The following ARFGEF3 variants were observed in gnomAD, a reference collection of about 807,000 sequenced individuals.
ARFGEF3 encodes brefeldin A-inhibited guanine nucleotide-exchange protein 3.
ARFGEF3 carries 96 observed loss-of-function variants against 221.7 expected under a neutral mutation model. The ratio of observed to expected loss-of-function variants is 0.43; its 90% CI spans 0.37 to 0.51. The LOEUF is 0.51. Ranked by LOEUF, ARFGEF3 falls within the 20% of genes least tolerant of loss-of-function variation. ARFGEF3 has a pLI of 0.00. For synonymous variants in ARFGEF3, 1,145 were observed against 1,126.8 expected (o/e 1.02, Z -0.32); for missense variants, 2,410 against 2,789.9 (o/e 0.86, Z 3.07).
Position 138,291,278 on chromosome 6 carries a change from C to T in ARFGEF3, c.3048-455C>T, listed in dbSNP as rs1015730521. 2.6e-5 allele frequency among the ~76,000 whole-genome samples: 4 copies of T among 152,170 alleles called. No homozygotes were observed. The highest frequency in any genetic ancestry group is 7.2e-5 in the African/African-American group (3 of 41,416). Reference sequence around the variant, plus strand: ...CGTGGCTGGGCAGAACCCACTGTGGCTAGTTGGCCTCTCCGTCATAGGTAT... The same window carrying T: ...CGTGGCTGGGCAGAACCCACTGTGGTTAGTTGGCCTCTCCGTCATAGGTAT... On this transcript the variant is annotated intron_variant, in intron 18 of 33. Coordinates refer to ENST00000251691, the MANE Select transcript of ARFGEF3 (RefSeq NM_020340.5). This position sits in a 1 kb window ranked among gnomAD's most constrained non-coding sequence, Gnocchi z 4.5.
At chr6:138,229,290 T>C (rs746641977) in intron 4 of ARFGEF3, among the ~76,000 whole-genome samples, 32 of 152,258 alleles carry the variant, frequency 2.1e-4, no homozygotes, top group Non-Finnish European at 4.3e-4. Flanking sequence ...GTCGGATTAC[T>C]TGAGTTCAAC....
rs758886707 is a variant in ARFGEF3 at position 138,335,199 on chromosome 6, G to A, written c.6342+11G>A. 2.0e-6 allele frequency: 3 copies of A among 1,518,536 alleles called. No individual in the cohort carries two copies. Among genetic ancestry groups the A allele is most frequent in the Non-Finnish European group, 2.6e-6 (3 of 1,142,738 alleles). 94.1% of individuals were successfully genotyped at this position (1,518,536 alleles called of 1,614,324 possible). On this transcript the variant is annotated intron_variant, in intron 33 of 33. Transcript: ENST00000251691. ...GAAGCACAGATCCAGGTACATCCCT[G>A]TGGCCACAGCAGGTGGGCGGGAGGC...
chr6:138,216,987 G>T (rs549133034), intron 4 of ARFGEF3: 2 of 152,284 alleles, frequency 1.3e-5, no homozygotes, highest in South Asian at 4.1e-4. Flanking sequence ...AATTCTTACT[G>T]AGTTTTCCTC....
chr6:138,163,848 C>A (rs899179754), intron 1 of ARFGEF3, among the ~76,000 whole-genome samples: 4 of 152,076 alleles, frequency 2.6e-5, no homozygotes, highest in Non-Finnish European at 5.9e-5. Flanking sequence ...GCAGGGCATT[C>A]ATTGTGCAGT....
intron 21 of ARFGEF3, 44 bp from the exon 22 acceptor site, chr6:138,298,562 G>A: frequency 6.5e-7 from 1 of 1,538,852 alleles, no homozygotes; most frequent in Non-Finnish European, 8.9e-7. Flanking sequence ...CATTCTCACT[G>A]TCTGCTGTCC....
At chr6:138,324,478 C>T (rs1780093889) in intron 31 of ARFGEF3, among the ~76,000 whole-genome samples, 2 of 152,326 alleles carry the variant, frequency 1.3e-5, no homozygotes, top group South Asian at 4.1e-4. Context: ...ATTGTTACTG[C>T]TAGACTATGA....
chr6:138,243,118 G>T lies in ARFGEF3; in HGVS notation c.586+124G>T. 5.0e-6 allele frequency: 4 copies of T among 794,146 alleles called. No individual in the cohort carries two copies. The Admixed American group carries it at 8.5e-5, about 17-fold the overall frequency. The allele number at this position is 794,146 out of a possible 1,614,324, so 49.2% of individuals were successfully genotyped here. ...CGGTTGTTTTACCATTCTCTTGGAGGTTGTGCTTGGCTTTGCCTTAGGTGG... is the reference window on the plus strand; with the variant it reads ...CGGTTGTTTTACCATTCTCTTGGAGTTTGTGCTTGGCTTTGCCTTAGGTGG... On this transcript the variant is annotated intron_variant, in intron 7 of 33. Coordinates refer to ENST00000251691, the MANE Select transcript of ARFGEF3 (RefSeq NM_020340.5).
chr6:138,204,267 G>A (rs1354606203), intron 2 of ARFGEF3, among the ~76,000 whole-genome samples: 1 of 148,764 alleles, frequency 6.7e-6, no homozygotes, highest in Non-Finnish European at 1.5e-5. Context: ...GAACCTGGGA[G>A]GCAAAGATTG....
rs141717526 is a variant in ARFGEF3, at chr6:138,297,423, C to T, written c.3648+468C>T. Among the ~76,000 whole-genome samples, 5 of 152,336 alleles carry T rather than the reference C, an allele frequency of 3.3e-5. No homozygotes were observed. The East Asian group carries it at 9.6e-4, about 29-fold the overall frequency. On this transcript the variant is annotated intron_variant, in intron 21 of 33. Transcript: ENST00000251691. ...CAAAATTAATACTAAGACCCTTTCA[C>T]TCTCCAAAGGAAAGCAGTTCGTGTG...
At position 138,283,054 on chromosome 6, in the gene ARFGEF3, A is replaced by T. The variant is rs9494999; in HGVS notation, c.2461+2890A>T. ...CAACAGAGCGAGACTCTGTCTTTTT[A>T]AAAAAAAAAAAGAAAAGAAAAGTAA... On this transcript the variant is annotated intron_variant, in intron 14 of 33. Coordinates refer to ENST00000251691, the MANE Select transcript of ARFGEF3 (RefSeq NM_020340.5). 5.6e-3 allele frequency among the ~76,000 whole-genome samples: 747 copies of T among 132,578 alleles called. 3 individuals are homozygous for T. Among genetic ancestry groups the T allele is most frequent in the African/African-American group, 0.018 (668 of 37,234 alleles). 87.0% of individuals were successfully genotyped at this position (132,578 alleles called of 152,430 possible).
chr6:138,203,646 A>G (rs185668740), intron 2 of ARFGEF3, among the ~76,000 whole-genome samples: 16 of 152,150 alleles, frequency 1.1e-4, no homozygotes, highest in Admixed American at 9.8e-4. Context: ...CAAATCATTT[A>G]TCTTCTTTTT....
chr6:138,233,266 A>C (rs1212578329), intron 5 of ARFGEF3, among the ~76,000 whole-genome samples: 1 of 152,116 alleles, frequency 6.6e-6, no homozygotes, highest in Non-Finnish European at 1.5e-5. Context: ...GCTTGAAAAA[A>C]CATTGACGCT....
intron 10 of ARFGEF3, among the ~76,000 whole-genome samples, chr6:138,256,632 T>C (rs1778687034): frequency 6.6e-6 from 1 of 152,178 alleles, no homozygotes; most frequent in African/African-American, 2.4e-5. Context: ...TTTCTAGAAA[T>C]TAAGGAGTAG....
chr6:138,276,107 C>T (rs999595521), intron 12 of ARFGEF3, among the ~76,000 whole-genome samples: 5 of 133,838 alleles, frequency 3.7e-5, no homozygotes, highest in Non-Finnish European at 7.7e-5. Context: ...AGGAGTGGCT[C>T]GGTGTGTTTT....
chr6:138,307,123 TCTA>T, intron 22 of ARFGEF3, 127 bp from the exon 23 acceptor site: 1 of 858,626 alleles, frequency 1.2e-6, no homozygotes, highest in Non-Finnish European at 1.8e-6. Flanking sequence ...AGTGAGTTTG[TCTA>T]TTCTGGTTTT....
chr6:138,257,296 C>T (rs2114580906), intron 10 of ARFGEF3, among the ~76,000 whole-genome samples: 1 of 152,230 alleles, frequency 6.6e-6, no homozygotes, highest in East Asian at 1.9e-4. Flanking sequence ...CCTGGAGGGG[C>T]AAGCGTGGGC....
intron 6 of ARFGEF3, among the ~76,000 whole-genome samples, chr6:138,241,797 C>T (rs1260145704): frequency 2.6e-5 from 4 of 152,198 alleles, no homozygotes; most frequent in African/African-American, 9.7e-5. Context: ...CAGCTGCATG[C>T]CAGGACAGAC....
rs957169786 is a variant in ARFGEF3, at chr6:138,337,321, A to C, written c.*835A>C. The C allele has an allele frequency of 3.9e-5, 6 of 152,660 alleles. No individual in the cohort carries two copies. Among genetic ancestry groups the C allele is most frequent in the African/African-American group, 1.4e-4 (6 of 41,450 alleles). The allele number at this position is 152,660 out of a possible 1,614,324, so 9.5% of individuals were successfully genotyped here. A position where few individuals can be genotyped will look rare whatever the true frequency, so the allele number is the denominator to read the frequency against. ...TTTCCATCCCCAAGGCAAACAAGGA[A>C]AGGAAAGGAAAGAAGAAAAGGTGCC... On this transcript the variant is annotated 3_prime_UTR_variant, in exon 34 of 34. Coordinates refer to ENST00000251691, the MANE Select transcript of ARFGEF3 (RefSeq NM_020340.5).
rs1031048180 is a variant in ARFGEF3 at position 138,294,202 on chromosome 6, G to A, written c.3502+76G>A. The A allele has an allele frequency of 2.6e-5, 39 of 1,478,006 alleles. 1 individual carries two copies. Among genetic ancestry groups the A allele is most frequent in the Non-Finnish European group, 3.6e-5 (39 of 1,087,516 alleles). 91.6% of individuals were successfully genotyped at this position (1,478,006 alleles called of 1,614,324 possible). Reference sequence around the variant, plus strand: ...CCCAGGCCTCTATCACCAGCAGCGTGCCTGAAGATTTGACTCCACATTCCC... The same window carrying A: ...CCCAGGCCTCTATCACCAGCAGCGTACCTGAAGATTTGACTCCACATTCCC... On this transcript the variant is annotated intron_variant, in intron 20 of 33. Coordinates refer to ENST00000251691, the MANE Select transcript of ARFGEF3 (RefSeq NM_020340.5).
Sources: gnomAD v4.1 joint callset for allele counts (sites outside exome capture counted in the v4.1 genomes callset) on GRCh38, gnomAD v4.1.1 for gene constraint, Gnocchi (gnomAD v3.1) non-coding constraint, MANE v1.5 for transcripts, NCBI Gene and HGNC (gene_info 2026-07-23, HGNC 2026-07-21) for gene names.